Variants in SORCS1 observed in about 807,000 individuals in gnomAD.
The protein encoded by SORCS1 is VPS10 domain-containing receptor SorCS1.
A neutral mutation model predicts 146.1 loss-of-function variants in SORCS1; 60 were observed. That is an observed-to-expected ratio of 0.41 (90% confidence interval 0.33 to 0.51). SORCS1 has a LOEUF of 0.51. Ranked by LOEUF, SORCS1 falls within the 20% of genes least tolerant of loss-of-function variation. The pLI is 0.21. For missense variants in SORCS1, 1,352 were observed against 1,487.6 expected, an observed-to-expected ratio of 0.91 and a Z score of 1.50; for synonymous variants, 637 against 584.0, an observed-to-expected ratio of 1.09 and a Z score of -1.31.
At chr10:107,105,612 C>T (rs72812995) in intron 1 of SORCS1, among the ~76,000 whole-genome samples, 1 of 152,016 alleles carries the variant, frequency 6.6e-6, no homozygotes, top group African/African-American at 2.4e-5. Context: ...GCAGGATGCA[C>T]CCAGCATGGG....
chr10:106,636,241 CAG>C (rs1848716194), intron 18 of SORCS1, among the ~76,000 whole-genome samples: 1 of 151,374 alleles, frequency 6.6e-6, no homozygotes, highest in African/African-American at 2.4e-5. Context: ...GCCTGGATAA[CAG>C]AGTGAACCAC....
At chr10:106,665,378 TTC>T (rs759329310) in intron 17 of SORCS1, among the ~76,000 whole-genome samples, 12 of 149,930 alleles carry the variant, frequency 8.0e-5, no homozygotes, top group African/African-American at 2.5e-4. Flanking sequence ...CCCTTTTTTT[TTC>T]TCTCTCTCTT....
At chr10:107,064,105 A>G (rs929831750) in intron 1 of SORCS1, among the ~76,000 whole-genome samples, 1 of 152,212 alleles carries the variant, frequency 6.6e-6, no homozygotes, top group Non-Finnish European at 1.5e-5. Context: ...CCTTTTAGAC[A>G]GCAATCTGTG....
chr10:106,762,807 T>C (rs1359999805), intron 4 of SORCS1, among the ~76,000 whole-genome samples: 3 of 152,174 alleles, frequency 2.0e-5, no homozygotes, highest in African/African-American at 7.2e-5. Flanking sequence ...ACTCCCCTCA[T>C]AGAGATAACA....
At chr10:106,761,509 C>T in intron 5 of SORCS1, 79 bp downstream of exon 5, 1 of 1,276,672 alleles carries the variant, frequency 7.8e-7, no homozygotes, top group Non-Finnish European at 1.1e-6. Context: ...CTGGTGAGAA[C>T]AAGATTCCAA....
At position 106,699,291 on chromosome 10, in the gene SORCS1, C is replaced by T. The variant is rs1463344858; in HGVS notation, c.1336G>A (p.Val446Ile). Residue 446 changes from valine (V) to isoleucine (I), a missense_variant, in exon 9 of 26, where the codon GTC (valine) becomes ATC (isoleucine). This residue lies in a region of SORCS1 where 648 missense variants were observed against 793.8 expected (regional missense o/e 0.82). Transcript: ENST00000263054. The part of the protein sequence containing the change: ...YNLYISDTRG[V>I]YFTLALENVQ... ...TTCTCCAAGGCCAGGGTGAAGTAGACACCACGTGTGTCTGAGATGTAGAGG... is the reference window on the plus strand; with the variant it reads ...TTCTCCAAGGCCAGGGTGAAGTAGATACCACGTGTGTCTGAGATGTAGAGG... 2 of 1,614,052 alleles carry T rather than the reference C, an allele frequency of 1.2e-6. No individual in the cohort carries two copies. Among genetic ancestry groups the T allele is most frequent in the East Asian group, 2.2e-5 (1 of 44,884 alleles).
At chr10:106,971,223 G>C (rs987157899) in intron 1 of SORCS1, among the ~76,000 whole-genome samples, 1 of 152,134 alleles carries the variant, frequency 6.6e-6, no homozygotes, top group African/African-American at 2.4e-5. Flanking sequence ...TGACCTCTAA[G>C]TAAGAATGGC....
chr10:107,027,755 A>T (rs1224582880), intron 1 of SORCS1, among the ~76,000 whole-genome samples: 1 of 152,152 alleles, frequency 6.6e-6, no homozygotes. Flanking sequence ...GCAGGTCCAT[A>T]TATACAGAAT....
At chr10:106,994,255 G>T (rs1956903339) in intron 1 of SORCS1, among the ~76,000 whole-genome samples, 1 of 151,994 alleles carries the variant, frequency 6.6e-6, no homozygotes, top group African/African-American at 2.4e-5. Flanking sequence ...TTTTTGGGGG[G>T]TCAGCTCTTT....
intron 2 of SORCS1, among the ~76,000 whole-genome samples, chr10:106,879,935 C>T (rs774481425): frequency 2.6e-5 from 4 of 152,186 alleles, no homozygotes; most frequent in Non-Finnish European, 5.9e-5. Context: ...CTCATCTGGA[C>T]TTCTGATCTA....
intron 1 of SORCS1, among the ~76,000 whole-genome samples, chr10:106,977,841 A>C (rs1351798750): frequency 6.6e-6 from 1 of 152,240 alleles, no homozygotes; most frequent in Non-Finnish European, 1.5e-5. Context: ...TCCAAATCAT[A>C]AATGTCTACT....
At chr10:106,581,734 G>T (rs539480425) in intron 24 of SORCS1, among the ~76,000 whole-genome samples, 1 of 152,134 alleles carries the variant, frequency 6.6e-6, no homozygotes, top group African/African-American at 2.4e-5. Context: ...ATAAATCTTG[G>T]AAAACTTATA....
chr10:106,994,398 T>C (rs1048653341), intron 1 of SORCS1, among the ~76,000 whole-genome samples: 2 of 152,180 alleles, frequency 1.3e-5, no homozygotes, highest in Admixed American at 1.3e-4. Flanking sequence ...AGTATGTAAT[T>C]CAGTGCTAAG....
At position 106,960,548 on chromosome 10, in the gene SORCS1, G is replaced by T. The variant is rs1955175220; in HGVS notation, c.559-3968C>A. 1.3e-5 allele frequency among the ~76,000 whole-genome samples: 2 copies of T among 151,922 alleles called. No individual in the cohort carries two copies. The highest frequency in any genetic ancestry group is 2.9e-5 in the Non-Finnish European group (2 of 67,956). ...GCCTCCCGAGTAGCTGAGACTACAGGTGCGCCACCACACCCAGCTAATTTT... is the reference window on the plus strand; with the variant it reads ...GCCTCCCGAGTAGCTGAGACTACAGTTGCGCCACCACACCCAGCTAATTTT... On this transcript the variant is annotated intron_variant, in intron 1 of 25. Transcript: ENST00000263054. The surrounding 1 kb of genome is among the most constrained non-coding windows in gnomAD (Gnocchi z 4.4).
intron 1 of SORCS1, among the ~76,000 whole-genome samples, chr10:106,964,776 G>C (rs1300086544): frequency 1.3e-5 from 2 of 151,830 alleles, no homozygotes; most frequent in Non-Finnish European, 2.9e-5. Context: ...ATGAGCCACT[G>C]CACCAGGCCT....
chr10:106,996,058 G>A (rs1290863726), intron 1 of SORCS1, among the ~76,000 whole-genome samples: 4 of 151,756 alleles, frequency 2.6e-5, no homozygotes, highest in African/African-American at 4.8e-5. Flanking sequence ...TGGCCAAGAC[G>A]GTGAAATCCT....
chr10:106,830,563 CTTTTTTTTTTTTTCCTT>C (rs1256196052), intron 2 of SORCS1, among the ~76,000 whole-genome samples: 1 of 134,884 alleles, frequency 7.4e-6, no homozygotes, highest in Non-Finnish European at 1.6e-5. Context: ...TATACCTCAG[CTTTTTTTTTTTTTCCTT>C]TTTTTTTTTT....
intron 2 of SORCS1, among the ~76,000 whole-genome samples, chr10:106,953,630 A>C (rs1293866187): frequency 1.3e-5 from 2 of 152,176 alleles, no homozygotes; most frequent in Non-Finnish European, 2.9e-5. Context: ...ATACTTACAC[A>C]AACCTCGAAG....
At chr10:106,665,388 C>CTCT (rs760932122) in intron 17 of SORCS1, among the ~76,000 whole-genome samples, 1 of 134,996 alleles carries the variant, frequency 7.4e-6, no homozygotes. Flanking sequence ...TTCTCTCTCT[C>CTCT]TTTTTTTTTT....
Sources: allele counts gnomAD v4.1 joint callset (sites outside exome capture counted in the v4.1 genomes callset), GRCh38; gene constraint gnomAD v4.1.1; regional missense constraint gnomAD v4.1.1; non-coding constraint Gnocchi (gnomAD v3.1); transcripts MANE v1.5; gene names NCBI Gene and HGNC (gene_info 2026-07-23, HGNC 2026-07-21).